Variants in VPS37B observed in about 807,000 individuals in gnomAD.
The protein encoded by VPS37B is VPS37B subunit of ESCRT-I, also known as vacuolar protein sorting-associated protein 37B.
VPS37B carries 11 observed loss-of-function variants against 21.2 expected under a neutral mutation model. That is an observed-to-expected ratio of 0.52 (90% CI 0.33 to 0.86). The LOEUF (loss-of-function observed/expected upper bound fraction) is 0.86, where lower values mean the gene tolerates loss of function less well. Among genes scored for constraint, VPS37B ranks in the 40% least tolerant of loss-of-function variants. The probability of loss-of-function intolerance (pLI) is 0.03; values close to 1 mark genes in which losing one functional copy is unlikely to be tolerated. For missense variants in VPS37B, 389 were observed against 374.8 expected (o/e 1.04, Z -0.31); for synonymous variants, 175 against 159.6 (o/e 1.10, Z -0.73).
intron 1 of VPS37B, chr12:122,889,846 C>A (rs1320505072): frequency 6.6e-6 from 1 of 152,284 alleles, no homozygotes; most frequent in African/African-American, 2.4e-5. Context: ...TCCCCCTCAC[C>A]AGCCCTATTT....
chr12:122,886,618 TC>T (rs1365543325), intron 1 of VPS37B: 12 of 151,990 alleles, frequency 7.9e-5, no homozygotes, highest in African/African-American at 2.9e-4. Context: ...CCTCTTTAAT[TC>T]CCAAATTGAT....
intron 2 of VPS37B, chr12:122,870,151 G>C (rs1318852278): frequency 6.6e-6 from 1 of 151,286 alleles, no homozygotes; most frequent in Non-Finnish European, 1.5e-5. Flanking sequence ...GCTGTTTAGA[G>C]AAGGTGGGGT....
At chr12:122,893,646 C>T (rs1187128669) in intron 1 of VPS37B, among the ~76,000 whole-genome samples, 1 of 152,090 alleles carries the variant, frequency 6.6e-6, no homozygotes, top group East Asian at 1.9e-4. Flanking sequence ...CAGTGATCCT[C>T]GCTAGGTGAG....
intron 1 of VPS37B, among the ~76,000 whole-genome samples, chr12:122,895,345 A>C (rs1042632934): frequency 3.3e-5 from 5 of 150,254 alleles, no homozygotes; most frequent in Non-Finnish European, 7.4e-5. Context: ...ACCTACTCTG[A>C]TCCCCTATAG....
chr12:122,877,075 T>G (rs2034163569), intron 1 of VPS37B: 1 of 152,218 alleles, frequency 6.6e-6, no homozygotes, highest in Non-Finnish European at 1.5e-5. Context: ...CTGCCCACAT[T>G]TCCAAGCTAA....
At position 122,867,681 on chromosome 12, in the gene VPS37B, G is replaced by A; in HGVS notation, c.367-74C>T. On this transcript the variant is annotated intron_variant, in intron 3 of 3. Transcript: ENST00000267202. The surrounding 1 kb of genome is among the most constrained non-coding windows in gnomAD (Gnocchi z 5.5). ...GCTCCCTTCGTGGTCTAGGCACAAG[G>A]AGAGGCAACGCCCAGCTGCTTCCAA... The A allele has an allele frequency of 6.3e-7, 1 of 1,589,934 alleles. No individual in the cohort carries two copies. The highest frequency in any genetic ancestry group is 8.5e-7 in the Non-Finnish European group (1 of 1,173,048).
chr12:122,866,848 C>T lies in VPS37B; in HGVS notation c.*268G>A. On this transcript the variant is annotated 3_prime_UTR_variant, in exon 4 of 4. Transcript: ENST00000267202. The stretch of plus-strand genomic sequence containing the variant: ...TATTTCTTCCCAAACATGAGTTCAT[C>T]AACGCTAAGATACTTAGAAATCACA... The T allele has an allele frequency of 7.6e-6, 3 of 393,970 alleles. No homozygotes were observed. The highest frequency in any genetic ancestry group is 6.3e-4 in the Middle Eastern group (1 of 1,578). The allele number at this position is 393,970 out of a possible 1,614,324, so 24.4% of individuals were successfully genotyped here.
At chr12:122,893,826 A>C (rs1412535920) in intron 1 of VPS37B, among the ~76,000 whole-genome samples, 10 of 9,122 alleles carry the variant, frequency 1.1e-3, no homozygotes, top group African/African-American at 3.1e-3. Flanking sequence ...TTTTACTCAA[A>C]AAAAAAAAAA....
rs1438219490 is a variant in VPS37B, at chr12:122,866,444, A to G, written c.*672T>C. The G allele has an allele frequency of 6.6e-6, 1 of 152,466 alleles. No homozygotes were observed. The highest frequency in any genetic ancestry group is 1.5e-5 in the Non-Finnish European group (1 of 68,042). 9.4% of individuals were successfully genotyped at this position (152,466 alleles called of 1,614,324 possible). On this transcript the variant is annotated 3_prime_UTR_variant, in exon 4 of 4. Transcript: ENST00000267202. Reference sequence around the variant, plus strand: ...AGGCGGGAGAGGAGGAGCTGGGGACACAATTTGCTGTGCAAAGTCCCACTC... The same window carrying G: ...AGGCGGGAGAGGAGGAGCTGGGGACGCAATTTGCTGTGCAAAGTCCCACTC...
chr12:122,888,890 A>C, intron 1 of VPS37B: 1 of 247,056 alleles, frequency 4.0e-6, no homozygotes, highest in African/African-American at 2.3e-5. Context: ...CCAGAACCAC[A>C]CTCCAACTGC....
rs2033956346 is a variant in VPS37B at position 122,868,559 on chromosome 12, C to A, written c.287G>T (p.Arg96Ile). ...CTCCAAGGAAGCACTGCTAGACTGT[C>A]TGTCTGGAAAAAAAGCAAGAGGTAT... ...AYQIKKTKLD[R>I]QSSSASLETL... The change falls in exon 3 of 4, where the codon AGA becomes ATA. Residue 96 changes from arginine to isoleucine, a missense_variant. Physicochemically the swap from Arg to Ile is moderately conservative, Grantham distance 97. Coordinates refer to ENST00000267202, the MANE Select transcript of VPS37B (RefSeq NM_024667.3). The surrounding 1 kb of genome is among the most constrained non-coding windows in gnomAD (Gnocchi z 5.5). 6.2e-7 allele frequency: 1 copy of A among 1,613,316 alleles called. No homozygotes were observed. Among genetic ancestry groups the A allele is most frequent in the South Asian group, 1.1e-5 (1 of 90,972 alleles).
Position 122,868,415 on chromosome 12 carries a change from G to A in VPS37B, c.366+65C>T, listed in dbSNP as rs2033952916. ...GGCGGTGTGGCACTCACGGTCCCTG[G>A]AGGCAGCGGGCCCACGGACTGCCCA... On this transcript the variant is annotated intron_variant, in intron 3 of 3. Transcript: ENST00000267202. The surrounding 1 kb of genome is among the most constrained non-coding windows in gnomAD (Gnocchi z 5.5). 6 of 1,475,758 alleles carry A rather than the reference G, an allele frequency of 4.1e-6. No homozygotes were observed. Among genetic ancestry groups the A allele is most frequent in the South Asian group, 1.2e-5 (1 of 84,768 alleles). The allele number at this position is 1,475,758 out of a possible 1,614,324, so 91.4% of individuals were successfully genotyped here. A position where few individuals can be genotyped will look rare whatever the true frequency, so the allele number is the denominator to read the frequency against.
Position 122,868,277 on chromosome 12 carries a change from CCTCA to C in VPS37B, c.366+199_366+202del, listed in dbSNP as rs1010382636. On this transcript the variant is annotated intron_variant, in intron 3 of 3. Coordinates refer to ENST00000267202, the MANE Select transcript of VPS37B (RefSeq NM_024667.3). The surrounding 1 kb of genome is among the most constrained non-coding windows in gnomAD (Gnocchi z 5.5). ...TCTCTTGGCCCTCGCTCGGACCTGC[CCTCA>C]CTCACCCCGCTGCTCCCTGGACCCC... 6.6e-6 allele frequency among the ~76,000 whole-genome samples: 1 copy of C among 152,106 alleles called. No individual in the cohort carries two copies. Among genetic ancestry groups the C allele is most frequent in the African/African-American group, 2.4e-5 (1 of 41,412 alleles).
intron 1 of VPS37B, chr12:122,888,606 G>A (rs1180969899): frequency 8.8e-6 from 4 of 456,046 alleles, no homozygotes; most frequent in South Asian, 3.1e-5. Flanking sequence ...CTCAGCTCAA[G>A]AACACAACCA....
intron 1 of VPS37B, chr12:122,884,312 A>G (rs1449927271): frequency 1.3e-5 from 2 of 152,230 alleles, no homozygotes; most frequent in Non-Finnish European, 2.9e-5. Context: ...ATCAGGGCAG[A>G]GTCCGAGTCC....
At chr12:122,890,184 C>T (rs2135712712) in intron 1 of VPS37B, 2 of 152,238 alleles carry the variant, frequency 1.3e-5, no homozygotes, top group East Asian at 3.9e-4. Context: ...ATTTTCTTAA[C>T]GTTTACCTAC....
At chr12:122,879,416 T>A (rs2034211149) in intron 1 of VPS37B, 1 of 152,366 alleles carries the variant, frequency 6.6e-6, no homozygotes, top group South Asian at 2.1e-4. Flanking sequence ...GTTCCCCGGG[T>A]TGCCTCGCTG....
Position 122,868,046 on chromosome 12 carries a change from A to G in VPS37B, c.366+434T>C, listed in dbSNP as rs954780866. On this transcript the variant is annotated intron_variant, in intron 3 of 3. Coordinates refer to ENST00000267202, the MANE Select transcript of VPS37B (RefSeq NM_024667.3). This position sits in a 1 kb window ranked among gnomAD's most constrained non-coding sequence, Gnocchi z 5.5. ...TCGAGCCCAGCCCTATCTTGGCAAG[A>G]CCCTGCCGGCCCCAGCCTGCAACAA... Among the ~76,000 whole-genome samples, 2 of 152,034 alleles carry G rather than the reference A, an allele frequency of 1.3e-5. No individual in the cohort carries two copies. Among genetic ancestry groups the G allele is most frequent in the African/African-American group, 4.8e-5 (2 of 41,376 alleles).
intron 1 of VPS37B, chr12:122,880,689 A>C (rs1460012576): frequency 6.6e-6 from 1 of 151,570 alleles, no homozygotes; most frequent in East Asian, 1.9e-4. Flanking sequence ...AAAAAAAAAC[A>C]AACACGACAC....
Sources: gnomAD v4.1 joint callset for allele counts (sites outside exome capture counted in the v4.1 genomes callset) on GRCh38, gnomAD v4.1.1 for gene constraint, Gnocchi (gnomAD v3.1) non-coding constraint, MANE v1.5 for transcripts, NCBI Gene and HGNC (gene_info 2026-07-23, HGNC 2026-07-21) for gene names.